PCED1B: variants seen among roughly 807,000 people sequenced by gnomAD.
PCED1B encodes PC-esterase domain containing 1B.
For missense variants in PCED1B, 573 were observed against 573.9 expected (o/e 1.00, Z 0.02); for synonymous variants, 251 against 246.1 (o/e 1.02, Z -0.19).
intron 2 of PCED1B, among the ~76,000 whole-genome samples, chr12:47,201,376 G>A (rs11609621): frequency 3.9e-5 from 6 of 152,110 alleles, no homozygotes; most frequent in Non-Finnish European, 8.8e-5. Context: ...CTGGGAGTCA[G>A]CTTGCACAAG....
intron 2 of PCED1B, among the ~76,000 whole-genome samples, chr12:47,159,400 C>T (rs1167846101): frequency 6.6e-6 from 1 of 152,076 alleles, no homozygotes; most frequent in Non-Finnish European, 1.5e-5. Flanking sequence ...TTCATCCTTG[C>T]CAGCATTAGT....
intron 2 of PCED1B, among the ~76,000 whole-genome samples, chr12:47,140,994 C>T (rs1940568916): frequency 6.6e-6 from 1 of 152,184 alleles, no homozygotes; most frequent in African/African-American, 2.4e-5. Context: ...TGCCTCTAAG[C>T]TGTTTCATAC....
At position 47,097,167 on chromosome 12, in the gene PCED1B, G is replaced by A. The variant is rs893351391; in HGVS notation, c.-608-6946G>A. Among the ~76,000 whole-genome samples, 11 of 152,176 alleles carry A rather than the reference G, an allele frequency of 7.2e-5. 1 individual carries two copies. The highest frequency in any genetic ancestry group is 2.0e-4 in the Admixed American group (3 of 15,286). On this transcript the variant is annotated intron_variant, in intron 1 of 3. Transcript: ENST00000546455. ...TATTGGCAGAGTCAGGACTTGAACT[G>A]AAGTCTCCTGAGGCCTAATTTGATC...
chr12:47,133,359 A>C (rs1379324142), intron 2 of PCED1B, among the ~76,000 whole-genome samples: 2 of 152,184 alleles, frequency 1.3e-5, no homozygotes, highest in Non-Finnish European at 2.9e-5. Context: ...CTGATGTGGC[A>C]TCCCTTGTCC....
At chr12:47,120,910 A>G (rs895490908) in intron 2 of PCED1B, among the ~76,000 whole-genome samples, 1 of 152,202 alleles carries the variant, frequency 6.6e-6, no homozygotes, top group Non-Finnish European at 1.5e-5. Flanking sequence ...CACACATTAT[A>G]TGATTCAATT....
intron 1 of PCED1B, among the ~76,000 whole-genome samples, chr12:47,082,561 T>C (rs775404842): frequency 1.3e-5 from 2 of 152,184 alleles, no homozygotes; most frequent in Non-Finnish European, 2.9e-5. Context: ...ACGGACAGAG[T>C]ACTAACACAT....
chr12:47,204,899 T>G (rs1467631681), intron 2 of PCED1B, among the ~76,000 whole-genome samples: 5 of 152,236 alleles, frequency 3.3e-5, no homozygotes, highest in African/African-American at 1.2e-4. Flanking sequence ...ATTTTCCTTG[T>G]AATTGAGGTT....
intron 2 of PCED1B, among the ~76,000 whole-genome samples, chr12:47,104,634 G>C (rs765843906): frequency 1.3e-5 from 2 of 152,152 alleles, no homozygotes; most frequent in Non-Finnish European, 2.9e-5. Flanking sequence ...TTGTACCCTG[G>C]AGGGAAAAAA....
At chr12:47,234,976 C>G in intron 3 of PCED1B, 31 bp from the exon 4 acceptor site, 1 of 1,291,478 alleles carries the variant, frequency 7.7e-7, no homozygotes, top group Non-Finnish European at 1.1e-6. Context: ...AGAGGTGAGT[C>G]CCTCCCAGCC....
intron 2 of PCED1B, among the ~76,000 whole-genome samples, chr12:47,143,289 G>A (rs949160531): frequency 6.6e-6 from 1 of 152,154 alleles, no homozygotes; most frequent in African/African-American, 2.4e-5. Flanking sequence ...TCTGTTTACA[G>A]ATGACATGAT....
chr12:47,229,875 T>C (rs1943746169), intron 3 of PCED1B, among the ~76,000 whole-genome samples: 1 of 151,690 alleles, frequency 6.6e-6, no homozygotes, highest in East Asian at 1.9e-4. Flanking sequence ...GTTCCTGCCA[T>C]TCTCCTGCCT....
chr12:47,083,003 A>G (rs562267264), intron 1 of PCED1B, among the ~76,000 whole-genome samples: 2 of 149,828 alleles, frequency 1.3e-5, no homozygotes, highest in South Asian at 4.4e-4. Context: ...TGAATCTAGT[A>G]TGCTGAGAAG....
chr12:47,103,331 A>G (rs1938799857), intron 1 of PCED1B, among the ~76,000 whole-genome samples: 1 of 152,130 alleles, frequency 6.6e-6, no homozygotes, highest in African/African-American at 2.4e-5. Flanking sequence ...GGAGGATGCC[A>G]TTTTGTCATC....
At chr12:47,165,648 A>G (rs538663022) in intron 2 of PCED1B, among the ~76,000 whole-genome samples, 1 of 152,340 alleles carries the variant, frequency 6.6e-6, no homozygotes, top group African/African-American at 2.4e-5. Flanking sequence ...TTCTACGATC[A>G]CTTAAAGCTA....
At chr12:47,194,220 G>A (rs1406328853) in intron 2 of PCED1B, among the ~76,000 whole-genome samples, 2 of 152,196 alleles carry the variant, frequency 1.3e-5, no homozygotes, top group East Asian at 1.9e-4. Flanking sequence ...TGTCGCCCAG[G>A]CTGGAGTGCA....
rs1206828841 is a variant in PCED1B at position 47,180,552 on chromosome 12, ACAAAAATGCCAAAAG to A, written c.-525-35666_-525-35652del. 4.6e-5 allele frequency among the ~76,000 whole-genome samples: 7 copies of A among 152,338 alleles called. No homozygotes were observed. In the East Asian group the frequency reaches 1.3e-3, roughly 29 times the overall value. On this transcript the variant is annotated intron_variant, in intron 2 of 3. Transcript: ENST00000546455. ...CATAGGCATGGGCAAAGATTTCATG[ACAAAAATGCCAAAAG>A]CAAGAGCAACAAAAACAAAAATAGA... is the stretch of plus-strand genomic sequence containing the variant.
Position 47,103,568 on chromosome 12 carries a change from ACAGTAACGTTTGG to A in PCED1B, c.-608-544_-608-532del, listed in dbSNP as rs1938812203. 2.6e-5 allele frequency among the ~76,000 whole-genome samples: 4 copies of A among 152,200 alleles called. No homozygotes were observed. The South Asian group carries it at 8.3e-4, about 32-fold the overall frequency. The stretch of plus-strand genomic sequence containing the variant: ...GCAGAATAGTTCACGAATCATTCCC[ACAGTAACGTTTGG>A]TCAAACCAATCAACCAAGTAATGAA... On this transcript the variant is annotated intron_variant, in intron 1 of 3. Coordinates refer to ENST00000546455, the MANE Select transcript of PCED1B (RefSeq NM_138371.3).
chr12:47,127,087 G>A (rs1391588386), intron 2 of PCED1B, among the ~76,000 whole-genome samples: 1 of 152,050 alleles, frequency 6.6e-6, no homozygotes, highest in Non-Finnish European at 1.5e-5. Flanking sequence ...ACTTGAGGTG[G>A]AAGCTAAAGT....
intron 3 of PCED1B, among the ~76,000 whole-genome samples, chr12:47,226,173 A>G (rs932563679): frequency 4.6e-5 from 7 of 152,218 alleles, no homozygotes; most frequent in Non-Finnish European, 8.8e-5. Context: ...ACTTATAACT[A>G]TGATTTTTAA....
Sources: allele counts gnomAD v4.1 joint callset (sites outside exome capture counted in the v4.1 genomes callset), GRCh38; gene constraint gnomAD v4.1.1; transcripts MANE v1.5; gene names NCBI Gene and HGNC (gene_info 2026-07-23, HGNC 2026-07-21).